DLGAP2: variants seen among roughly 807,000 people sequenced by gnomAD.
DLGAP2 encodes disks large-associated protein 2.
Under a neutral mutation model 100.3 loss-of-function variants are expected in DLGAP2, and 26 were observed. That is an observed-to-expected ratio of 0.26 (90% confidence interval 0.19 to 0.36). DLGAP2 has a LOEUF of 0.36. Ranked by LOEUF, DLGAP2 falls within the 10% of genes least tolerant of loss-of-function variation. DLGAP2 has a pLI of 1.00. For synonymous variants in DLGAP2, 886 were observed against 630.1 expected, an observed-to-expected ratio of 1.41 and a Z score of -6.08; for missense variants, 1,858 against 1,453.2, an observed-to-expected ratio of 1.28 and a Z score of -4.53.
At chr8:1,696,921 G>A (rs1799412234) in intron 13 of DLGAP2, among the ~76,000 whole-genome samples, 1 of 152,212 alleles carries the variant, frequency 6.6e-6, no homozygotes, top group Non-Finnish European at 1.5e-5. Context: ...TTTCAACGTG[G>A]AACAATGAAC....
chr8:1,548,695 T>C lies in DLGAP2; in HGVS notation c.242T>C (p.Met81Thr), dbSNP rs866410286. The stretch of plus-strand genomic sequence containing the variant: ...CGCTACTCGCCCGCGCCCAGGAGCA[T>C]GAAGGGCCTTTCCGGAAGTCGGACC... ...EERYSPAPRS[M>T]KGLSGSRTQP... The change falls in exon 5 of 15, where the codon ATG (methionine) becomes ACG (threonine). Residue 81 changes from methionine to threonine, a missense_variant. Coordinates refer to ENST00000637795, the MANE Select transcript of DLGAP2 (RefSeq NM_001346810.2). 1 of 1,607,004 alleles carries C rather than the reference T, an allele frequency of 6.2e-7. No individual in the cohort carries two copies. The highest frequency in any genetic ancestry group is 1.3e-5 in the African/African-American group (1 of 74,766).
At chr8:1,089,196 A>G (rs184171382) in intron 2 of DLGAP2, among the ~76,000 whole-genome samples, 3 of 152,344 alleles carry the variant, frequency 2.0e-5, no homozygotes, top group East Asian at 1.9e-4. Context: ...CCAGCAGGCT[A>G]TGCAATTGCT....
intron 4 of DLGAP2, among the ~76,000 whole-genome samples, chr8:1,523,906 C>T (rs973492113): frequency 6.6e-6 from 1 of 152,178 alleles, no homozygotes; most frequent in Non-Finnish European, 1.5e-5. Context: ...TTGAAAAGTT[C>T]AGGGCCTGAG....
intron 4 of DLGAP2, among the ~76,000 whole-genome samples, chr8:1,529,523 A>G (rs1055785669): frequency 5.3e-5 from 8 of 152,306 alleles, no homozygotes; most frequent in African/African-American, 1.4e-4. Context: ...AGAAAAATTC[A>G]TGTTTATAGA....
intron 1 of DLGAP2, among the ~76,000 whole-genome samples, chr8:844,179 G>T (rs747241817): frequency 1.3e-5 from 2 of 152,242 alleles, no homozygotes; most frequent in African/African-American, 2.4e-5. Flanking sequence ...AAGTGTGTTT[G>T]TGAGAGTGAG....
chr8:934,489 C>G (rs2129003981), intron 2 of DLGAP2, among the ~76,000 whole-genome samples: 1 of 152,326 alleles, frequency 6.6e-6, no homozygotes, highest in East Asian at 1.9e-4. Flanking sequence ...AACAGGCCAC[C>G]TCTTCGATTC....
chr8:1,254,182 C>G (rs573987208), intron 2 of DLGAP2, among the ~76,000 whole-genome samples: 1 of 152,314 alleles, frequency 6.6e-6, no homozygotes, highest in Admixed American at 6.5e-5. Context: ...AGGTCTCAGT[C>G]TGCCTCTCCC....
At chr8:1,280,977 C>T (rs926365770) in intron 3 of DLGAP2, among the ~76,000 whole-genome samples, 25 of 152,120 alleles carry the variant, frequency 1.6e-4, no homozygotes, top group African/African-American at 5.1e-4. Flanking sequence ...TGGATGTGGA[C>T]GAGGAATCCT....
intron 2 of DLGAP2, among the ~76,000 whole-genome samples, chr8:1,092,775 T>C (rs1357794516): frequency 6.6e-6 from 1 of 151,996 alleles, no homozygotes; most frequent in Non-Finnish European, 1.5e-5. Context: ...GCAACACAGA[T>C]GGTGTGGGGG....
chr8:834,409 A>C (rs1481031345), intron 1 of DLGAP2, among the ~76,000 whole-genome samples: 4 of 152,214 alleles, frequency 2.6e-5, no homozygotes, highest in Admixed American at 2.6e-4. Context: ...GCTCTGAGCA[A>C]ATGCAGGCCG....
intron 3 of DLGAP2, among the ~76,000 whole-genome samples, chr8:1,497,526 C>A (rs1157352592): frequency 6.6e-6 from 1 of 152,148 alleles, no homozygotes; most frequent in Non-Finnish European, 1.5e-5. Flanking sequence ...ACGAGGAGGC[C>A]AGGAGAGAGA....
intron 6 of DLGAP2, among the ~76,000 whole-genome samples, chr8:1,595,643 C>T (rs1796431499): frequency 6.8e-6 from 1 of 146,806 alleles, no homozygotes; most frequent in African/African-American, 2.5e-5. Flanking sequence ...GTCCGCAGTC[C>T]CGCCTGGGCG....
intron 2 of DLGAP2, among the ~76,000 whole-genome samples, chr8:1,098,234 GT>G (rs1041278893): frequency 6.6e-6 from 1 of 152,214 alleles, no homozygotes; most frequent in African/African-American, 2.4e-5. Flanking sequence ...CCGCACACCA[GT>G]TTGTTTCCAA....
intron 3 of DLGAP2, among the ~76,000 whole-genome samples, chr8:1,328,486 G>C (rs993331629): frequency 6.6e-6 from 1 of 151,636 alleles, no homozygotes; most frequent in Non-Finnish European, 1.5e-5. Flanking sequence ...ATTTGTGTGT[G>C]TTTTTTTGTT....
rs59220880 is a variant in DLGAP2 at position 1,683,954 on chromosome 8, G to GTATATATATA, written c.2704+5350_2704+5359dup. Among the ~76,000 whole-genome samples, 611 of 74,668 alleles carry GTATATATATA rather than the reference G, an allele frequency of 8.2e-3. 6 individuals are homozygous for GTATATATATA. Among genetic ancestry groups the GTATATATATA allele is most frequent in the East Asian group, 0.026 (58 of 2,224 alleles). The allele number at this position is 74,668 out of a possible 152,430, so 49.0% of individuals were successfully genotyped here. On this transcript the variant is annotated intron_variant, in intron 12 of 14. Coordinates refer to ENST00000637795, the MANE Select transcript of DLGAP2 (RefSeq NM_001346810.2). ...TATATATGTGTATATATATATGTGT[G>GTATATATATA]TATATATATATATATATATATATAT... is the stretch of plus-strand genomic sequence containing the variant.
At chr8:995,849 T>C (rs10094004) in intron 2 of DLGAP2, among the ~76,000 whole-genome samples, 23,987 of 152,130 alleles carry the variant, frequency 0.16, 2,447 homozygotes, top group Non-Finnish European at 0.23. Flanking sequence ...GAGACGTGTC[T>C]CTCCATGGAG....
chr8:1,325,635 G>T (rs1801004576), intron 3 of DLGAP2, among the ~76,000 whole-genome samples: 1 of 152,202 alleles, frequency 6.6e-6, no homozygotes, highest in Non-Finnish European at 1.5e-5. Flanking sequence ...ACCCTACAGG[G>T]CCTGAACGGA....
intron 2 of DLGAP2, among the ~76,000 whole-genome samples, chr8:1,105,396 C>G (rs550490049): frequency 6.6e-6 from 1 of 152,108 alleles, no homozygotes; most frequent in Non-Finnish European, 1.5e-5. Flanking sequence ...ACAGGTTCCC[C>G]GCATTCTCAC....
At chr8:1,362,149 C>T (rs1341116858) in intron 3 of DLGAP2, among the ~76,000 whole-genome samples, 3 of 152,316 alleles carry the variant, frequency 2.0e-5, no homozygotes, top group East Asian at 1.9e-4. Flanking sequence ...CCTTCTGAGG[C>T]ATCCGCAGCG....
Sources: gnomAD v4.1 joint callset for allele counts (sites outside exome capture counted in the v4.1 genomes callset) on GRCh38, gnomAD v4.1.1 for gene constraint, MANE v1.5 for transcripts, NCBI Gene and HGNC (gene_info 2026-07-23, HGNC 2026-07-21) for gene names.